ST6GALNAC1: variants seen among roughly 807,000 people sequenced by gnomAD.
ST6GALNAC1 encodes the protein ST6 N-acetylgalactosaminide alpha-2,6-sialyltransferase 1, also known as alpha-N-acetylgalactosaminide alpha-2,6-sialyltransferase 1.
A neutral mutation model predicts 56.8 loss-of-function variants in ST6GALNAC1; 45 were observed. The observed-to-expected ratio is 0.79, with a 90% CI of 0.62 to 1.02. The LOEUF (loss-of-function observed/expected upper bound fraction) is 1.02. Among genes scored for constraint, ST6GALNAC1 ranks in the 50% least tolerant of loss-of-function variants. The probability of loss-of-function intolerance (pLI) is 0.00; values close to 1 mark genes in which losing one functional copy is unlikely to be tolerated. For missense variants in ST6GALNAC1, 743 were observed against 754.8 expected (o/e 0.98, Z 0.18); for synonymous variants, 295 against 297.8 (o/e 0.99, Z 0.10).
At position 76,626,617 on chromosome 17, in the gene ST6GALNAC1, C is replaced by T. The variant is rs530146846; in HGVS notation, c.1311+34G>A. The T allele has an allele frequency of 1.9e-6, 3 of 1,613,596 alleles. No homozygotes were observed. The South Asian group carries it at 3.3e-5, about 18-fold the overall frequency. ...CCTCCTGTGCTCCCTCATCCAGAGT[C>T]TGGGTGTGGCCAGGCTCCTTCCTCT... On this transcript the variant is annotated intron_variant, in intron 5 of 8. Coordinates refer to ENST00000156626, the MANE Select transcript of ST6GALNAC1 (RefSeq NM_018414.5).
intron 1 of ST6GALNAC1, chr17:76,641,788 G>A (rs144986289): frequency 4.3e-4 from 65 of 152,264 alleles, no homozygotes; most frequent in African/African-American, 1.6e-3. Context: ...ATAGGGGTTG[G>A]TTAAGTAAAC....
At chr17:76,625,626 T>TGG in intron 8 of ST6GALNAC1, 99 bp from the exon 9 acceptor site, 5 of 1,424,950 alleles carry the variant, frequency 3.5e-6, no homozygotes, top group Non-Finnish European at 4.8e-6. Context: ...TTCTTTTCCC[T>TGG]GGCTCCGTCC....
intron 1 of ST6GALNAC1, among the ~76,000 whole-genome samples, chr17:76,640,196 G>C (rs574206076): frequency 1.3e-5 from 2 of 152,118 alleles, no homozygotes; most frequent in Non-Finnish European, 2.9e-5. Context: ...GGGCAGTTGA[G>C]GGTTCTGGTC....
At chr17:76,640,161 C>T (rs756456859) in intron 1 of ST6GALNAC1, among the ~76,000 whole-genome samples, 1 of 152,120 alleles carries the variant, frequency 6.6e-6, no homozygotes, top group Non-Finnish European at 1.5e-5. Flanking sequence ...GAGTGAGTGT[C>T]CCATTATTGC....
intron 1 of ST6GALNAC1, among the ~76,000 whole-genome samples, chr17:76,630,782 G>A (rs1487897821): frequency 2.0e-5 from 3 of 151,380 alleles, no homozygotes; most frequent in South Asian, 4.2e-4. Flanking sequence ...GTAGAGATGG[G>A]GTTTCACCAT....
chr17:76,621,948 T>C (rs980306222), downstream of ST6GALNAC1, among the ~76,000 whole-genome samples: 24 of 150,476 alleles, frequency 1.6e-4, 1 homozygote, highest in African/African-American at 4.4e-4. Context: ...CTTTTCTTTT[T>C]TTTTTTTTTT....
chr17:76,625,629 C>A, intron 8 of ST6GALNAC1, 102 bp from the exon 9 acceptor site: 1 of 1,409,272 alleles, frequency 7.1e-7, no homozygotes, highest in African/African-American at 1.4e-5. Flanking sequence ...TTTTCCCTGG[C>A]TCCGTCCCTA....
the ST6GALNAC1 span, among the ~76,000 whole-genome samples, chr17:76,618,487 A>AATAT: frequency 3.9e-5 from 6 of 152,080 alleles, no homozygotes; most frequent in East Asian, 1.2e-3. Context: ...TGAAAGCTAT[A>AATAT]AATTTTTTGG....
chr17:76,619,309 C>T, the ST6GALNAC1 span, among the ~76,000 whole-genome samples: 1 of 152,176 alleles, frequency 6.6e-6, no homozygotes, highest in Admixed American at 6.5e-5. Flanking sequence ...AGCGGAGTTT[C>T]GTTGCTTCTA....
the ST6GALNAC1 span, among the ~76,000 whole-genome samples, chr17:76,617,550 TA>T: frequency 6.6e-6 from 1 of 152,116 alleles, no homozygotes; most frequent in East Asian, 1.9e-4. Context: ...GGGTAAAATG[TA>T]AATGAAGCAG....
In ST6GALNAC1 at chr17:76,627,224, C is replaced by T. The variant is rs139968789; in HGVS notation, c.1015G>A (p.Val339Met). 9.4e-5 allele frequency: 147 copies of T among 1,571,786 alleles called. No individual in the cohort carries two copies. The highest frequency in any genetic ancestry group is 1.2e-4 in the Non-Finnish European group (136 of 1,159,752). Residue 339 changes from valine to methionine, a missense_variant, in exon 4 of 9, where the codon GTG becomes ATG. By Grantham distance (21) the Val-to-Met change is conservative. Coordinates refer to ENST00000156626, the MANE Select transcript of ST6GALNAC1 (RefSeq NM_018414.5). The surrounding 1 kb of genome is among the most constrained non-coding windows in gnomAD (Gnocchi z 4.4). ...ELNYSLVQKV[V>M]TRFPPVPQQQ... The stretch of plus-strand genomic sequence containing the variant: ...TGGGGCACTGGAGGGAAGCGTGTCA[C>T]GACCTTCTGCACCACTGGAACAAGA...
chr17:76,643,608 G>A lies in ST6GALNAC1; in HGVS notation c.31C>T (p.Leu11=), dbSNP rs772096103. ...AAGGACCACTGGACGCCTTGGCTCA[G>A]GTGCCTGCATCTCCACAGGCAGGAC... MRSCLWRCRH[L]SQGVQWSLLL... is the part of the protein sequence containing the mutation. Residue 11 remains leucine, a synonymous_variant, in exon 1 of 9, where the codon CTG becomes TTG. Transcript: ENST00000156626. 11 of 1,614,010 alleles carry A rather than the reference G, an allele frequency of 6.8e-6. No individual in the cohort carries two copies. Among genetic ancestry groups the A allele is most frequent in the Non-Finnish European group, 8.5e-6 (10 of 1,179,990 alleles).
In ST6GALNAC1 at chr17:76,629,193, T is replaced by C; in HGVS notation, c.650A>G (p.Lys217Arg). Residue 217 changes from lysine (K) to arginine (R), a missense_variant, in exon 2 of 9, where the codon AAA becomes AGA. Coordinates refer to ENST00000156626, the MANE Select transcript of ST6GALNAC1 (RefSeq NM_018414.5). ...TGAVSTRTRQKGVTTAVIPPK... is the reference protein window; with the variant it reads ...TGAVSTRTRQRGVTTAVIPPK... ...TGGGATGACTGCTGTGGTCACTCCT[T>C]TCTGTCTCGTCCTTGTTGACACTGC... 1 of 1,614,118 alleles carries C rather than the reference T, an allele frequency of 6.2e-7. No homozygotes were observed. The highest frequency in any genetic ancestry group is 8.5e-7 in the Non-Finnish European group (1 of 1,180,010).
chr17:76,621,477 G>A (rs950996803), downstream of ST6GALNAC1, among the ~76,000 whole-genome samples: 10 of 148,342 alleles, frequency 6.7e-5, no homozygotes, highest in African/African-American at 2.5e-4. Flanking sequence ...CACCGCACCC[G>A]GGCTTCTTTT....
chr17:76,638,606 G>T (rs1325250450), intron 1 of ST6GALNAC1, among the ~76,000 whole-genome samples: 3 of 151,722 alleles, frequency 2.0e-5, no homozygotes, highest in Non-Finnish European at 4.4e-5. Context: ...CTGAGACGGA[G>T]TTTCACTCTT....
chr17:76,640,642 T>A (rs1281768672), intron 1 of ST6GALNAC1, among the ~76,000 whole-genome samples: 2 of 152,210 alleles, frequency 1.3e-5, no homozygotes, highest in African/African-American at 2.4e-5. Flanking sequence ...TGGATTCTTA[T>A]TAAGCTTAAA....
downstream of ST6GALNAC1, among the ~76,000 whole-genome samples, chr17:76,620,530 C>G (rs2143394071): frequency 6.6e-6 from 1 of 152,020 alleles, no homozygotes; most frequent in East Asian, 1.9e-4. Context: ...CTATTTAGCC[C>G]CCTTAGGTAA....
At chr17:76,623,642 G>A (rs537062726), downstream of ST6GALNAC1, among the ~76,000 whole-genome samples, 10 of 152,190 alleles carry the variant, frequency 6.6e-5, no homozygotes, top group East Asian at 1.9e-3. Flanking sequence ...ACTGATTTCC[G>A]TATGCCAATC....
In ST6GALNAC1 at chr17:76,626,048, T is replaced by C; in HGVS notation, c.1463A>G (p.Tyr488Cys). The C allele has an allele frequency of 1.2e-6, 2 of 1,614,178 alleles. No homozygotes were observed. The highest frequency in any genetic ancestry group is 2.2e-5 in the South Asian group (2 of 91,078). The change falls in exon 7 of 9, where the codon TAC (tyrosine) becomes TGC (cysteine). Residue 488 changes from tyrosine to cysteine, a missense_variant. Coordinates refer to ENST00000156626, the MANE Select transcript of ST6GALNAC1 (RefSeq NM_018414.5). ...GAGAAAGTCTGGGTGCAGCAACAGG[T>C]ACCTGTCCATGTGCAGGGCTTCCCG... ...AFREALHMDR[Y>C]LLLHPDFLRY...
Sources: gnomAD v4.1 joint callset for allele counts (sites outside exome capture counted in the v4.1 genomes callset) on GRCh38, gnomAD v4.1.1 for gene constraint, Gnocchi (gnomAD v3.1) non-coding constraint, MANE v1.5 for transcripts, NCBI Gene and HGNC (gene_info 2026-07-23, HGNC 2026-07-21) for gene names.